The following WDPCP variants were observed in gnomAD, a reference collection of about 807,000 sequenced individuals.
WDPCP encodes WD repeat-containing and planar cell polarity effector protein fritz homolog.
A neutral mutation model predicts 93.1 loss-of-function variants in WDPCP; 71 were observed. That is an observed-to-expected ratio of 0.76 (90% CI 0.63 to 0.93). The LOEUF is 0.93. Ranked by LOEUF, WDPCP falls within the 40% of genes least tolerant of loss-of-function variation. The pLI is 0.00. For synonymous variants in WDPCP, 315 were observed against 315.0 expected (o/e 1.00, Z 0.00); for missense variants, 844 against 887.4 (o/e 0.95, Z 0.62).
chr2:63,390,994 T>C (rs1693190406), intron 10 of WDPCP, among the ~76,000 whole-genome samples: 1 of 152,186 alleles, frequency 6.6e-6, no homozygotes, highest in Non-Finnish European at 1.5e-5. Context: ...CTTCTGAAAC[T>C]ATTCCAATCA....
At chr2:63,131,357 T>C (rs1448692019) in intron 17 of WDPCP, among the ~76,000 whole-genome samples, 1 of 152,168 alleles carries the variant, frequency 6.6e-6, no homozygotes, top group Non-Finnish European at 1.5e-5. Context: ...GTGTGCACTA[T>C]ATAGATATTT....
chr2:63,500,608 T>C (rs1701491701), intron 1 of WDPCP, among the ~76,000 whole-genome samples: 1 of 152,166 alleles, frequency 6.6e-6, no homozygotes, highest in Admixed American at 6.5e-5. Context: ...AAGGTGTGGT[T>C]CTACTGTTCT....
At chr2:63,570,239 T>C (rs1055579617) in intron 1 of WDPCP, among the ~76,000 whole-genome samples, 2 of 152,196 alleles carry the variant, frequency 1.3e-5, no homozygotes, top group African/African-American at 2.4e-5. Context: ...TAAAATGAAA[T>C]ATTTAACTTG....
In WDPCP at chr2:63,611,499, C is replaced by T. The variant is rs146486624; in HGVS notation, n.488+39160G>A. Among the ~76,000 whole-genome samples the T allele has an allele frequency of 6.4e-3, 970 of 151,954 alleles. 13 individuals carry two copies. Among genetic ancestry groups the T allele is most frequent in the African/African-American group, 0.022 (919 of 41,428 alleles). ...ACAATATTTCTCAAGAAATGTTGACCAGGGGAAAAATATATTAGAAAGTAC... is the reference window on the plus strand; with the variant it reads ...ACAATATTTCTCAAGAAATGTTGACTAGGGGAAAAATATATTAGAAAGTAC... On this transcript the variant is annotated intron_variant and non_coding_transcript_variant, in intron 3 of 4. Coordinates refer to the WDPCP transcript ENST00000467687.
chr2:63,775,657 A>G lies in WDPCP; in HGVS notation n.308+37965T>C, dbSNP rs546255047. ...TTACTTTCAAATTATGCTATCCTGG[A>G]TCCTTATAAACTATCTTAGAGTCTT... is the stretch of plus-strand genomic sequence containing the variant. On this transcript the variant is annotated intron_variant and non_coding_transcript_variant, in intron 2 of 4. Coordinates refer to the WDPCP transcript ENST00000467687. Among the ~76,000 whole-genome samples, 247 of 152,302 alleles carry G rather than the reference A, an allele frequency of 1.6e-3. 3 individuals carry two copies. The highest frequency in any genetic ancestry group is 0.01 in the Middle Eastern group (3 of 294).
chr2:63,212,730 G>C lies in WDPCP; in HGVS notation c.1916-37898C>G, dbSNP rs140877426. Among the ~76,000 whole-genome samples, 63 of 151,374 alleles carry C rather than the reference G, an allele frequency of 4.2e-4. No individual in the cohort carries two copies. In the East Asian group the frequency reaches 9.9e-3, roughly 24 times the overall value. On this transcript the variant is annotated intron_variant, in intron 14 of 17. Coordinates refer to ENST00000272321, the MANE Select transcript of WDPCP (RefSeq NM_015910.7). ...GCTGTATTCAGGAGACCCATTTCAC[G>C]TTCAGAGACACACATAGCCTGAAAA...
chr2:63,490,609 A>ATACC (rs1387640871), intron 2 of WDPCP, among the ~76,000 whole-genome samples: 6 of 152,202 alleles, frequency 3.9e-5, no homozygotes, highest in Admixed American at 2.6e-4. Flanking sequence ...GAGAATGGGT[A>ATACC]GGCCCTGCAA....
intron 2 of WDPCP, among the ~76,000 whole-genome samples, chr2:63,748,575 C>T (rs112175982): frequency 8.7e-4 from 133 of 152,074 alleles, no homozygotes; most frequent in African/African-American, 3.0e-3. Context: ...TTAGGATAAA[C>T]CTAATTTGAT....
At position 63,154,834 on chromosome 2, in the gene WDPCP, T is replaced by C. The variant is rs1026963688; in HGVS notation, c.2079-1260A>G. Among the ~76,000 whole-genome samples, 11 of 152,198 alleles carry C rather than the reference T, an allele frequency of 7.2e-5. No homozygotes were observed. In the East Asian group the frequency reaches 1.2e-3, roughly 16 times the overall value. ...GAATTGTCAGTATTTTTAAAAATTA[T>C]TGACATTCTAATAGGTGTACAGAGG... On this transcript the variant is annotated intron_variant, in intron 15 of 17. Coordinates refer to ENST00000272321, the MANE Select transcript of WDPCP (RefSeq NM_015910.7).
chr2:63,833,280 T>C, the WDPCP span, among the ~76,000 whole-genome samples: 1 of 152,266 alleles, frequency 6.6e-6, no homozygotes, highest in Non-Finnish European at 1.5e-5. Context: ...CTCTGTATTA[T>C]ATAATAACTC....
In WDPCP at chr2:63,513,643, C is replaced by T. The variant is rs1056437462; in HGVS notation, c.76-20703G>A. 5.3e-5 allele frequency among the ~76,000 whole-genome samples: 8 copies of T among 152,304 alleles called. No homozygotes were observed. In the East Asian group the frequency reaches 1.5e-3, roughly 29 times the overall value. On this transcript the variant is annotated intron_variant, in intron 1 of 17. Transcript: ENST00000272321. ...ACCTAGAAAGGTTACTATCTCCTTT[C>T]TCTCTTGAAGACCCTCATTCCACAG...
At chr2:63,343,330 C>T (rs984616589) in intron 12 of WDPCP, among the ~76,000 whole-genome samples, 19 of 151,994 alleles carry the variant, frequency 1.3e-4, no homozygotes, top group Non-Finnish European at 2.5e-4. Flanking sequence ...TGTCTTCTCA[C>T]TGCCTTCTGG....
intron 15 of WDPCP, among the ~76,000 whole-genome samples, chr2:63,167,977 G>T (rs1673109021): frequency 6.6e-6 from 1 of 151,934 alleles, no homozygotes. Flanking sequence ...TTAGCTGCAT[G>T]TGGTGACACA....
chr2:63,729,633 CAAAA>C (rs904678896), intron 2 of WDPCP, among the ~76,000 whole-genome samples: 6 of 151,944 alleles, frequency 3.9e-5, no homozygotes, highest in Admixed American at 1.3e-4. Context: ...CAAAACAAAA[CAAAA>C]AAACCCAGAA....
intron 12 of WDPCP, among the ~76,000 whole-genome samples, chr2:63,376,424 A>C (rs1311866266): frequency 6.6e-6 from 1 of 152,074 alleles, no homozygotes; most frequent in South Asian, 2.1e-4. Flanking sequence ...CAATGAACAA[A>C]AAATTCACAT....
intron 3 of WDPCP, among the ~76,000 whole-genome samples, chr2:63,598,394 G>T (rs1375308517): frequency 6.6e-6 from 1 of 152,284 alleles, no homozygotes; most frequent in East Asian, 1.9e-4. Flanking sequence ...CTCCCAAAGT[G>T]CTGGGATTAC....
intron 14 of WDPCP, among the ~76,000 whole-genome samples, chr2:63,244,759 T>C (rs893043181): frequency 6.6e-6 from 1 of 152,164 alleles, no homozygotes; most frequent in Non-Finnish European, 1.5e-5. Flanking sequence ...TACAGCCACA[T>C]TTCCCCTCTT....
At chr2:63,521,429 T>C (rs1037953808) in intron 1 of WDPCP, among the ~76,000 whole-genome samples, 3 of 151,832 alleles carry the variant, frequency 2.0e-5, no homozygotes, top group African/African-American at 7.3e-5. Context: ...CAAAACAAAC[T>C]TTAAATCAAC....
chr2:63,338,551 T>TAA lies in WDPCP; in HGVS notation c.1749-25242_1749-25241dup, dbSNP rs373990599. Among the ~76,000 whole-genome samples, 133 of 25,080 alleles carry TAA rather than the reference T, an allele frequency of 5.3e-3. 1 individual carries two copies. The highest frequency in any genetic ancestry group is 6.7e-3 in the Non-Finnish European group (103 of 15,434). The allele number at this position is 25,080 out of a possible 152,430, so 16.5% of individuals were successfully genotyped here. On this transcript the variant is annotated intron_variant, in intron 12 of 17. Transcript: ENST00000272321. ...TGGGCAACAAGAGCAAAACTCCATC[T>TAA]AAAAAAAAAAAAAAAAAAATATATA...
Sources: allele counts gnomAD v4.1 joint callset (sites outside exome capture counted in the v4.1 genomes callset), GRCh38; gene constraint gnomAD v4.1.1; transcripts MANE v1.5; gene names NCBI Gene and HGNC (gene_info 2026-07-23, HGNC 2026-07-21).